COMMD10: variants seen among roughly 807,000 people sequenced by gnomAD.
COMMD10 encodes the protein COMM domain-containing protein 10.
In COMMD10, 33 loss-of-function variants were observed where a neutral mutation model predicts 28.9. The observed-to-expected ratio is 1.14, with a 90% confidence interval of 0.87 to 1.53. The LOEUF (loss-of-function observed/expected upper bound fraction) is 1.53, where lower values mean the gene tolerates loss of function less well. Ranked by LOEUF, COMMD10 falls within the 40% of genes most tolerant of loss-of-function variation. The pLI, the probability that COMMD10 is intolerant of heterozygous loss-of-function variation, is 0.00. For synonymous variants in COMMD10, 110 were observed against 81.7 expected, an observed-to-expected ratio of 1.35 and a Z score of -1.87; for missense variants, 310 against 233.4, an observed-to-expected ratio of 1.33 and a Z score of -2.14.
chr5:116,281,506 A>C (rs1751068523), intron 5 of COMMD10, among the ~76,000 whole-genome samples: 1 of 151,756 alleles, frequency 6.6e-6, no homozygotes, highest in Non-Finnish European at 1.5e-5. Context: ...TTTTTAGATT[A>C]GGTGCAGAAA....
At chr5:116,286,993 A>G (rs1751234897) in intron 5 of COMMD10, among the ~76,000 whole-genome samples, 1 of 151,810 alleles carries the variant, frequency 6.6e-6, no homozygotes, top group Non-Finnish European at 1.5e-5. Context: ...AATTTCTTCA[A>G]TCCTGCCAAA....
At chr5:116,133,594 GA>G (rs1205998958) in intron 4 of COMMD10, among the ~76,000 whole-genome samples, 2 of 151,874 alleles carry the variant, frequency 1.3e-5, no homozygotes, top group Admixed American at 6.5e-5. Flanking sequence ...AAATTAAAAA[GA>G]AAAAAAGCAA....
At chr5:116,150,463 A>T (rs1321102877) in intron 5 of COMMD10, among the ~76,000 whole-genome samples, 1 of 151,952 alleles carries the variant, frequency 6.6e-6, no homozygotes, top group Non-Finnish European at 1.5e-5. Flanking sequence ...GGCTATTTTC[A>T]TGATATTGAT....
At chr5:116,223,699 G>C (rs79206078) in intron 5 of COMMD10, among the ~76,000 whole-genome samples, 1 of 152,258 alleles carries the variant, frequency 6.6e-6, no homozygotes, top group East Asian at 1.9e-4. Context: ...TGTAGGAATA[G>C]TATGTTCAAA....
chr5:116,126,969 A>G (rs1486474975), intron 4 of COMMD10, among the ~76,000 whole-genome samples: 4 of 152,228 alleles, frequency 2.6e-5, no homozygotes, highest in Non-Finnish European at 4.4e-5. Flanking sequence ...AAAAGAAACT[A>G]CCATCAGAGT....
intron 4 of COMMD10, among the ~76,000 whole-genome samples, chr5:116,116,714 T>C (rs1005241961): frequency 6.1e-5 from 9 of 148,602 alleles, no homozygotes; most frequent in African/African-American, 1.5e-4. Context: ...TTTTTTTTTT[T>C]TTTTTTTTTT....
At chr5:116,237,359 A>T (rs1475254073) in intron 5 of COMMD10, among the ~76,000 whole-genome samples, 1 of 152,178 alleles carries the variant, frequency 6.6e-6, no homozygotes, top group Non-Finnish European at 1.5e-5. Flanking sequence ...AGTAATGGTT[A>T]TATTTGAGTA....
At chr5:116,257,285 TC>T (rs1750314523) in intron 5 of COMMD10, among the ~76,000 whole-genome samples, 1 of 151,628 alleles carries the variant, frequency 6.6e-6, no homozygotes, top group African/African-American at 2.4e-5. Context: ...TTTCAGATTT[TC>T]AGATTAGGGA....
At chr5:116,099,618 CT>C (rs1056621770) in intron 4 of COMMD10, among the ~76,000 whole-genome samples, 1 of 152,142 alleles carries the variant, frequency 6.6e-6, no homozygotes, top group African/African-American at 2.4e-5. Flanking sequence ...TGTCTCTTGT[CT>C]TTTTGATAAT....
chr5:116,134,548 A>G (rs185022278), intron 5 of COMMD10, among the ~76,000 whole-genome samples: 1 of 152,304 alleles, frequency 6.6e-6, no homozygotes, highest in African/African-American at 2.4e-5. Flanking sequence ...TATGATGGTG[A>G]CCTGAATTGT....
At chr5:116,273,291 T>C (rs1294065403) in intron 5 of COMMD10, among the ~76,000 whole-genome samples, 1 of 151,856 alleles carries the variant, frequency 6.6e-6, no homozygotes, top group Non-Finnish European at 1.5e-5. Flanking sequence ...AGAACCCTCC[T>C]TGTAATGTAT....
chr5:116,266,535 T>C (rs1326071319), intron 5 of COMMD10, among the ~76,000 whole-genome samples: 1 of 151,884 alleles, frequency 6.6e-6, no homozygotes, highest in Non-Finnish European at 1.5e-5. Flanking sequence ...AAACCTACTT[T>C]CTACAGGAAC....
At chr5:116,265,690 A>G (rs966624491) in intron 5 of COMMD10, among the ~76,000 whole-genome samples, 2 of 151,844 alleles carry the variant, frequency 1.3e-5, no homozygotes, top group Admixed American at 6.6e-5. Flanking sequence ...AACACTTGCA[A>G]TAAGTCCTCA....
intron 5 of COMMD10, among the ~76,000 whole-genome samples, chr5:116,174,928 A>C (rs1231936527): frequency 6.6e-6 from 1 of 152,214 alleles, no homozygotes; most frequent in Admixed American, 6.5e-5. Flanking sequence ...AATTTAAAAC[A>C]TAAGATTAAC....
chr5:116,267,048 G>T (rs1318888436), intron 5 of COMMD10, among the ~76,000 whole-genome samples: 1 of 151,826 alleles, frequency 6.6e-6, no homozygotes, highest in Non-Finnish European at 1.5e-5. Context: ...AGACAAGGAT[G>T]CCCTCTCTCA....
At chr5:116,130,560 G>A (rs1394260258) in intron 4 of COMMD10, among the ~76,000 whole-genome samples, 3 of 151,962 alleles carry the variant, frequency 2.0e-5, no homozygotes, top group Admixed American at 6.6e-5. Flanking sequence ...TAGTGAATGA[G>A]TCTTTCAAAA....
chr5:116,085,471 TCAGA>T (rs1750063000), intron 1 of COMMD10: 1 of 250,900 alleles, frequency 4.0e-6, no homozygotes, highest in Admixed American at 5.5e-5. Context: ...CAGTTCCGGT[TCAGA>T]CACTCTGGTG....
chr5:116,153,167 G>A (rs545561951), intron 5 of COMMD10, among the ~76,000 whole-genome samples: 2 of 152,140 alleles, frequency 1.3e-5, no homozygotes, highest in African/African-American at 4.8e-5. Context: ...TTTGGAGATG[G>A]ACAGATCTTA....
At chr5:116,159,679 T>C (rs1752854532) in intron 5 of COMMD10, among the ~76,000 whole-genome samples, 1 of 152,174 alleles carries the variant, frequency 6.6e-6, no homozygotes, top group African/African-American at 2.4e-5. Flanking sequence ...GGAGGTTTAT[T>C]CCAAGTACAG....
Sources: allele counts gnomAD v4.1 joint callset (sites outside exome capture counted in the v4.1 genomes callset), GRCh38; gene constraint gnomAD v4.1.1; transcripts MANE v1.5; gene names NCBI Gene and HGNC (gene_info 2026-07-23, HGNC 2026-07-21).